The following TIAM2 variants were observed in gnomAD, a reference collection of about 807,000 sequenced individuals.
TIAM2 encodes the protein rho guanine nucleotide exchange factor TIAM2.
Under a neutral mutation model 152.9 loss-of-function variants are expected in TIAM2, and 80 were observed. The observed-to-expected ratio is 0.52, with a 90% confidence interval of 0.44 to 0.63. The LOEUF is 0.63. TIAM2 is among the 30% of genes least tolerant of loss of function. The pLI, the probability that TIAM2 is intolerant of heterozygous loss-of-function variation, is 0.00. For missense variants in TIAM2, 1,965 were observed against 2,120.1 expected, an observed-to-expected ratio of 0.93 and a Z score of 1.44; for synonymous variants, 804 against 838.0, an observed-to-expected ratio of 0.96 and a Z score of 0.70.
chr6:155,036,429 G>A (rs1219987058), intron 1 of TIAM2, among the ~76,000 whole-genome samples: 2 of 150,834 alleles, frequency 1.3e-5, no homozygotes, highest in African/African-American at 4.9e-5. Flanking sequence ...AGCTACTTGG[G>A]AGGCTGAGGC....
chr6:155,239,640 GTGGTCCCCCCAGA>G (rs1022103854), intron 15 of TIAM2, among the ~76,000 whole-genome samples: 1 of 152,228 alleles, frequency 6.6e-6, no homozygotes, highest in African/African-American at 2.4e-5. Context: ...CCAAAGGCCA[GTGGTCCCCCCAGA>G]TGGTCATGTT....
At chr6:155,070,623 T>C (rs1364471848) in intron 1 of TIAM2, among the ~76,000 whole-genome samples, 1 of 152,212 alleles carries the variant, frequency 6.6e-6, no homozygotes, top group East Asian at 1.9e-4. Flanking sequence ...TAAGCATCTT[T>C]CCTGAATTTA....
chr6:155,071,435 T>C (rs6935629), intron 1 of TIAM2, among the ~76,000 whole-genome samples: 68,368 of 152,082 alleles, frequency 0.45, 15,481 homozygotes, highest in East Asian at 0.54. Context: ...TGTTATTCAA[T>C]ACTCAGTGCC....
At position 155,129,266 on chromosome 6, in the gene TIAM2, A is replaced by C. The variant is rs765956938; in HGVS notation, c.43A>C (p.Asn15His). The change falls in exon 4 of 27, where the codon AAT becomes CAT. Residue 15 changes from asparagine to histidine, a missense_variant. Asn to His is a moderately conservative substitution (Grantham distance 68). Transcript: ENST00000682666. This position sits in a 1 kb window ranked among gnomAD's most constrained non-coding sequence, Gnocchi z 4.8. ...TCAGTACACCCTTCAAGGATCTAAA[A>C]ATCATAGCAATACTATTACTGGTGC... ...DSQYTLQGSK[N>H]HSNTITGAKQ... The C allele has an allele frequency of 6.2e-7, 1 of 1,614,218 alleles. No homozygotes were observed. The highest frequency in any genetic ancestry group is 1.3e-5 in the African/African-American group (1 of 75,064).
At chr6:155,059,409 C>T (rs1487877326) in intron 1 of TIAM2, among the ~76,000 whole-genome samples, 1 of 151,892 alleles carries the variant, frequency 6.6e-6, no homozygotes, top group Non-Finnish European at 1.5e-5. Context: ...CTGGGACCTC[C>T]GCCTCCCAGG....
chr6:155,075,949 G>T (rs1777947722), intron 1 of TIAM2, among the ~76,000 whole-genome samples: 1 of 152,146 alleles, frequency 6.6e-6, no homozygotes, highest in African/African-American at 2.4e-5. Context: ...ATAACGTGTA[G>T]CGAAGCAACA....
intron 15 of TIAM2, among the ~76,000 whole-genome samples, chr6:155,232,256 G>A (rs1782509078): frequency 6.7e-6 from 1 of 148,442 alleles, no homozygotes; most frequent in Non-Finnish European, 1.5e-5. Flanking sequence ...AGTCCTTCGT[G>A]CAATTTTTAG....
intron 1 of TIAM2, among the ~76,000 whole-genome samples, chr6:155,028,893 T>C (rs1345386870): frequency 9.1e-6 from 1 of 110,312 alleles, no homozygotes; most frequent in African/African-American, 3.7e-5. Context: ...ATATACACTG[T>C]ATATACTATC....
chr6:155,034,496 C>G (rs1776886890), intron 1 of TIAM2, among the ~76,000 whole-genome samples: 1 of 152,182 alleles, frequency 6.6e-6, no homozygotes, highest in Admixed American at 6.5e-5. Context: ...CTTAGGTGAT[C>G]TGCCCACCTT....
chr6:155,216,147 G>T (rs77340043), intron 15 of TIAM2, among the ~76,000 whole-genome samples: 1 of 152,122 alleles, frequency 6.6e-6, no homozygotes, highest in African/African-American at 2.4e-5. Flanking sequence ...GAGGTGTCTG[G>T]TGAATGCCTA....
rs1367854792 is a variant in TIAM2, at chr6:155,249,874, G to A, written c.3856G>A (p.Val1286Ile). 2 of 1,613,812 alleles carry A rather than the reference G, an allele frequency of 1.2e-6. No individual in the cohort carries two copies. Among genetic ancestry groups the A allele is most frequent in the Non-Finnish European group, 8.5e-7 (1 of 1,179,932 alleles). The part of the protein sequence containing the change: ...LTEALKAMEK[V>I]ASHINEMQKI... ...AGAAGCACTAAAGGCAATGGAGAAAGTAGCGAGCCACATCAATGAGATGCA... is the reference window on the plus strand; with the variant it reads ...AGAAGCACTAAAGGCAATGGAGAAAATAGCGAGCCACATCAATGAGATGCA... The change falls in exon 21 of 27, where the codon GTA (valine) becomes ATA (isoleucine). Residue 1286 changes from valine (V) to isoleucine (I), a missense_variant. Physicochemically the swap from Val to Ile is conservative, Grantham distance 29. Coordinates refer to ENST00000682666, the MANE Select transcript of TIAM2 (RefSeq NM_012454.4).
intron 7 of TIAM2, among the ~76,000 whole-genome samples, chr6:155,159,440 T>C (rs1349002925): frequency 6.6e-6 from 1 of 152,218 alleles, no homozygotes; most frequent in Non-Finnish European, 1.5e-5. Flanking sequence ...CCCTACATGT[T>C]GTTCACATCA....
intron 1 of TIAM2, among the ~76,000 whole-genome samples, chr6:155,056,167 C>CT (rs763205169): frequency 0.088 from 8,673 of 98,664 alleles, 1,649 homozygotes; most frequent in African/African-American, 0.31. Flanking sequence ...TATTGTTCTT[C>CT]TTTTTTTTTT....
intron 14 of TIAM2, among the ~76,000 whole-genome samples, chr6:155,205,577 T>C (rs1200956179): frequency 6.6e-6 from 1 of 152,176 alleles, no homozygotes; most frequent in African/African-American, 2.4e-5. Context: ...GCCTAGTCTC[T>C]TGCTGCCTGG....
intron 15 of TIAM2, among the ~76,000 whole-genome samples, chr6:155,235,429 A>G (rs890433608): frequency 6.6e-6 from 1 of 152,170 alleles, no homozygotes; most frequent in Non-Finnish European, 1.5e-5. Flanking sequence ...GCCTATCACC[A>G]TATATGCATG....
At chr6:155,245,549 G>GA (rs1783268246) in intron 18 of TIAM2, 74 bp from the exon 19 acceptor site, 6 of 1,205,046 alleles carry the variant, frequency 5.0e-6, no homozygotes, top group Middle Eastern at 1.9e-4. Context: ...GAAGCCATGG[G>GA]GCCGTCAAAT....
chr6:155,124,055 T>A (rs1046603660), intron 2 of TIAM2, among the ~76,000 whole-genome samples: 1 of 152,244 alleles, frequency 6.6e-6, no homozygotes, highest in Non-Finnish European at 1.5e-5. Flanking sequence ...TTGCTGCGTC[T>A]GTCACCCAGG....
chr6:155,201,378 T>G lies in TIAM2; in HGVS notation c.3065-9826T>G, dbSNP rs79526579. Among the ~76,000 whole-genome samples the G allele has an allele frequency of 5.7e-3, 874 of 152,254 alleles. 11 individuals carry two copies. Among genetic ancestry groups the G allele is most frequent in the African/African-American group, 0.02 (833 of 41,550 alleles). On this transcript the variant is annotated intron_variant, in intron 14 of 26. Transcript: ENST00000682666. ...TTCAACTTTATTAAAATTCTTGGAG[T>G]GTTTGAAGTACGGTATTGTCTGTTA...
intron 2 of TIAM2, among the ~76,000 whole-genome samples, chr6:155,113,348 C>T (rs1394508981): frequency 1.3e-5 from 2 of 152,160 alleles, no homozygotes; most frequent in African/African-American, 4.8e-5. Flanking sequence ...ATTGCAGCAT[C>T]CTTCCCCTCT....
Sources: gnomAD v4.1 joint callset for allele counts (sites outside exome capture counted in the v4.1 genomes callset) on GRCh38, gnomAD v4.1.1 for gene constraint, Gnocchi (gnomAD v3.1) non-coding constraint, MANE v1.5 for transcripts, NCBI Gene and HGNC (gene_info 2026-07-23, HGNC 2026-07-21) for gene names.